OXNAD1: variants seen among roughly 807,000 people sequenced by gnomAD.
OXNAD1 encodes the protein oxidoreductase NAD-binding domain-containing protein 1.
In OXNAD1, 34 loss-of-function variants were observed where a neutral mutation model predicts 32.9. The observed-to-expected ratio is 1.03, with a 90% CI of 0.79 to 1.38. The LOEUF is 1.38. OXNAD1 is among the 40% of genes most tolerant of loss of function. The probability of loss-of-function intolerance (pLI) is 0.00; values close to 1 mark genes in which losing one functional copy is unlikely to be tolerated. For missense variants in OXNAD1, 407 were observed against 379.4 expected, an observed-to-expected ratio of 1.07 and a Z score of -0.60; for synonymous variants, 134 against 135.2, an observed-to-expected ratio of 0.99 and a Z score of 0.06.
Position 16,344,638 on chromosome 3 carries a change from C to T in OXNAD1, c.*31-4538C>T, listed in dbSNP as rs1434454133. The stretch of plus-strand genomic sequence containing the variant: ...GTCCACCACCTTCTAGATCACTGCA[C>T]AAGCCCCTGAAAAAGATGTGAAACA... On this transcript the variant is annotated intron_variant, in intron 9 of 9. Coordinates refer to the OXNAD1 transcript ENST00000606098. This position sits in a 1 kb window ranked among gnomAD's most constrained non-coding sequence, Gnocchi z 4.4. 1.3e-5 allele frequency among the ~76,000 whole-genome samples: 2 copies of T among 152,132 alleles called. No individual in the cohort carries two copies. The highest frequency in any genetic ancestry group is 2.4e-5 in the African/African-American group (1 of 41,430).
At chr3:16,326,654 A>T (rs978121093) in intron 9 of OXNAD1, 2 of 740,986 alleles carry the variant, frequency 2.7e-6, no homozygotes, top group Admixed American at 2.8e-5. Flanking sequence ...GAGAGTTTAC[A>T]TAACTACCAG....
chr3:16,302,716 A>C lies in OXNAD1; in HGVS notation c.752A>C (p.Gln251Pro). The change falls in exon 8 of 9, where the codon CAA (glutamine) becomes CCA (proline). Residue 251 changes from glutamine (Q) to proline (P), a missense_variant. Transcript: ENST00000285083. This position sits in a 1 kb window ranked among gnomAD's most constrained non-coding sequence, Gnocchi z 4.2. ...TTGCATGTTACAAAACAGACTACAC[A>C]AATCAATGCGGAACTCAAGCCATAC... ...CSLHVTKQTT[Q>P]INAELKPYIT... 3 of 1,613,298 alleles carry C rather than the reference A, an allele frequency of 1.9e-6. No homozygotes were observed. Among genetic ancestry groups the C allele is most frequent in the Non-Finnish European group, 2.5e-6 (3 of 1,179,368 alleles).
chr3:16,268,330 T>C (rs2064689855), intron 1 of OXNAD1, among the ~76,000 whole-genome samples: 3 of 119,202 alleles, frequency 2.5e-5, no homozygotes, highest in Admixed American at 8.2e-5. Context: ...TTTTTTTTTT[T>C]TTTTTTTTTT....
In OXNAD1 at chr3:16,320,183, G is replaced by A. The variant is rs1322371749; in HGVS notation, c.*30+16591G>A. On this transcript the variant is annotated intron_variant, in intron 9 of 9. Coordinates refer to the OXNAD1 transcript ENST00000435829. The surrounding 1 kb of genome is among the most constrained non-coding windows in gnomAD (Gnocchi z 4.5). ...TGTGTCCACTTCAAGTAGTTTAGCT[G>A]GAAGGAAGTCTTCCCGAGTTGTAGA... 6.6e-6 allele frequency among the ~76,000 whole-genome samples: 1 copy of A among 152,222 alleles called. No homozygotes were observed. Among genetic ancestry groups the A allele is most frequent in the Non-Finnish European group, 1.5e-5 (1 of 68,048 alleles).
At chr3:16,270,791 A>G in intron 2 of OXNAD1, 154 bp from the exon 3 acceptor site, 1 of 1,039,512 alleles carries the variant, frequency 9.6e-7, no homozygotes, top group East Asian at 2.6e-5. Flanking sequence ...AATTTTGTCA[A>G]GGTGAAGTTA....
rs2064954565 is a variant in OXNAD1, at chr3:16,271,694, A to G, written c.155A>G (p.Glu52Gly). Reference sequence around the variant, plus strand: ...TCCAAAAGGAAAACTGATCACATGGAGAGAACTGCAAGTGTCCTTCGACGG... The same window carrying G: ...TCCAAAAGGAAAACTGATCACATGGGGAGAACTGCAAGTGTCCTTCGACGG... ...MKSKRKTDHM[E>G]RTASVLRREI... The change falls in exon 4 of 9, where the codon GAG becomes GGG. Residue 52 changes from glutamate to glycine, a missense_variant. Glu to Gly is a moderately conservative substitution (Grantham distance 98). Transcript: ENST00000285083. The surrounding 1 kb of genome is among the most constrained non-coding windows in gnomAD (Gnocchi z 4.6). 2.5e-6 allele frequency: 4 copies of G among 1,607,526 alleles called. No homozygotes were observed. Among genetic ancestry groups the G allele is most frequent in the Non-Finnish European group, 3.4e-6 (4 of 1,178,408 alleles).
chr3:16,347,156 T>C (rs1412771990), intron 9 of OXNAD1, among the ~76,000 whole-genome samples: 3 of 152,216 alleles, frequency 2.0e-5, no homozygotes, highest in African/African-American at 7.2e-5. Flanking sequence ...AATCCCACTA[T>C]GGCTCCCTTC....
Position 16,317,973 on chromosome 3 carries a change from AC to A in OXNAD1, c.*30+14382del, listed in dbSNP as rs1373918498. ...TCTCCCTCTGCCCGCTACTGTACCG[AC>A]AAGTGTTCTAAGGTAACTCCCTCTA... On this transcript the variant is annotated intron_variant, in intron 9 of 9. Coordinates refer to the OXNAD1 transcript ENST00000435829. This position sits in a 1 kb window ranked among gnomAD's most constrained non-coding sequence, Gnocchi z 4.3. 6.6e-6 allele frequency among the ~76,000 whole-genome samples: 1 copy of A among 152,188 alleles called. No individual in the cohort carries two copies. Among genetic ancestry groups the A allele is most frequent in the Non-Finnish European group, 1.5e-5 (1 of 68,030 alleles).
rs903263139 is a variant in OXNAD1 at position 16,304,354 on chromosome 3, G to C, written c.*792G>C. 7.2e-5 allele frequency: 11 copies of C among 152,206 alleles called. No homozygotes were observed. The highest frequency in any genetic ancestry group is 2.7e-4 in the African/African-American group (11 of 41,434). The allele number at this position is 152,206 out of a possible 1,614,324, so 9.4% of individuals were successfully genotyped here. A position where few individuals can be genotyped will look rare whatever the true frequency, so the allele number is the denominator to read the frequency against. Reference sequence around the variant, plus strand: ...TGGAAATGTGCTTAGCATTGATTAGGGGGTAGAGAGCTGTTTCTAAATCCT... The same window carrying C: ...TGGAAATGTGCTTAGCATTGATTAGCGGGTAGAGAGCTGTTTCTAAATCCT... On this transcript the variant is annotated 3_prime_UTR_variant, in exon 9 of 9. Coordinates refer to ENST00000285083, the MANE Select transcript of OXNAD1 (RefSeq NM_138381.5). The surrounding 1 kb of genome is among the most constrained non-coding windows in gnomAD (Gnocchi z 4.6).
At position 16,321,085 on chromosome 3, in the gene OXNAD1, A is replaced by G. The variant is rs533454441; in HGVS notation, c.*31-16027A>G. On this transcript the variant is annotated intron_variant, in intron 9 of 9. Transcript: ENST00000435829. The surrounding 1 kb of genome is among the most constrained non-coding windows in gnomAD (Gnocchi z 4.8). ...GATAGATTGAATATAGGGGAAGGAG[A>G]GGGGAGGGTCAGCAGGGATAGCCCC... Among the ~76,000 whole-genome samples the G allele has an allele frequency of 2.0e-5, 3 of 152,032 alleles. No homozygotes were observed. In the South Asian group the frequency reaches 6.2e-4, roughly 32 times the overall value.
intron 9 of OXNAD1, chr3:16,315,009 A>C (rs993474865): frequency 6.6e-6 from 1 of 152,236 alleles, no homozygotes; most frequent in Admixed American, 6.5e-5. Context: ...CAACCTCTTT[A>C]AGCTCTGAGG....
At chr3:16,340,334 C>CAGGTTAGGTTA (rs1223945273), downstream of OXNAD1, among the ~76,000 whole-genome samples, 1 of 152,226 alleles carries the variant, frequency 6.6e-6, no homozygotes, top group Non-Finnish European at 1.5e-5. Flanking sequence ...TGGCTGCCAT[C>CAGGTTAGGTTA]CTGTGAAGAG....
At chr3:16,272,647 C>CTTTTTTTTTTTTTTTTTTTTTTTT (rs35628992) in intron 4 of OXNAD1, among the ~76,000 whole-genome samples, 1 of 112,758 alleles carries the variant, frequency 8.9e-6, no homozygotes, top group Non-Finnish European at 1.9e-5. Context: ...GCTTAAAGTT[C>CTTTTTTTTTTTTTTTTTTTTTTTT]TTTTTTTTTT....
Position 16,271,122 on chromosome 3 carries a change from C to A in OXNAD1, c.119+51C>A. 1 of 1,593,112 alleles carries A rather than the reference C, an allele frequency of 6.3e-7. No individual in the cohort carries two copies. Among genetic ancestry groups the A allele is most frequent in the Non-Finnish European group, 8.6e-7 (1 of 1,165,828 alleles). ...TTTGAAGTTAATTTTCAAAGAGACC[C>A]GACCTGCTGATGGTTGTGGGAGGCA... On this transcript the variant is annotated intron_variant, in intron 3 of 8. Coordinates refer to ENST00000285083, the MANE Select transcript of OXNAD1 (RefSeq NM_138381.5). The surrounding 1 kb of genome is among the most constrained non-coding windows in gnomAD (Gnocchi z 4.6).
intron 9 of OXNAD1, chr3:16,313,634 G>A (rs1428477012): frequency 6.6e-6 from 1 of 152,130 alleles, no homozygotes; most frequent in Admixed American, 6.5e-5. Flanking sequence ...CCAAAGAGGT[G>A]GGTGCCATTT....
In OXNAD1 at chr3:16,345,786, C is replaced by CTCTGTCTG. The variant is rs201934236; in HGVS notation, c.*31-3385_*31-3384insCTGTCTGT. On this transcript the variant is annotated intron_variant, in intron 9 of 9. Transcript: ENST00000606098. This position sits in a 1 kb window ranked among gnomAD's most constrained non-coding sequence, Gnocchi z 5.2. ...CATGAGCCAAAACCTTATAATAAAT[C>CTCTGTCTG]TCTGTGTGTGTGTGTGTGTGTGTGT... Among the ~76,000 whole-genome samples, 1 of 81,556 alleles carries CTCTGTCTG rather than the reference C, an allele frequency of 1.2e-5. No homozygotes were observed. The highest frequency in any genetic ancestry group is 2.5e-5 in the Non-Finnish European group (1 of 39,816). The allele number at this position is 81,556 out of a possible 152,430, so 53.5% of individuals were successfully genotyped here.
At chr3:16,332,796 T>G (rs1357484352) in intron 9 of OXNAD1, among the ~76,000 whole-genome samples, 1 of 79,244 alleles carries the variant, frequency 1.3e-5, no homozygotes, top group Non-Finnish European at 2.8e-5. Context: ...ATCTTCTACT[T>G]TATCTTCTTC....
In OXNAD1 at chr3:16,305,920, GA is replaced by G. The variant is rs11311948; in HGVS notation, c.*2361del. 19,503 of 152,226 alleles carry G rather than the reference GA, an allele frequency of 0.13. 1,332 individuals carry two copies. The highest frequency in any genetic ancestry group is 0.15 in the Middle Eastern group (45 of 294). The allele number at this position is 152,226 out of a possible 1,614,324, so 9.4% of individuals were successfully genotyped here. A position where few individuals can be genotyped will look rare whatever the true frequency, so the allele number is the denominator to read the frequency against. On this transcript the variant is annotated 3_prime_UTR_variant, in exon 9 of 9. Transcript: ENST00000285083. This position sits in a 1 kb window ranked among gnomAD's most constrained non-coding sequence, Gnocchi z 4.5. ...AATTTGCTATTCCTTGTCCTATTCA[GA>G]AAGGATTTCAAGAGGCTGGATGCCT...
intron 4 of OXNAD1, among the ~76,000 whole-genome samples, chr3:16,282,952 AAGG>A (rs932884452): frequency 2.1e-5 from 3 of 145,438 alleles, no homozygotes; most frequent in Non-Finnish European, 4.7e-5. Context: ...GAGACACAAG[AAGG>A]AGACCAAGGT....
Sources: gnomAD v4.1 joint callset for allele counts (sites outside exome capture counted in the v4.1 genomes callset) on GRCh38, gnomAD v4.1.1 for gene constraint, Gnocchi (gnomAD v3.1) non-coding constraint, MANE v1.5 for transcripts, NCBI Gene and HGNC (gene_info 2026-07-23, HGNC 2026-07-21) for gene names.